The following TNFAIP8 variants were observed in gnomAD, a reference collection of about 807,000 sequenced individuals.
TNFAIP8 encodes TNF alpha induced protein 8.
Under a neutral mutation model 13.3 loss-of-function variants are expected in TNFAIP8, and 7 were observed. The ratio of observed to expected loss-of-function variants is 0.52; its 90% CI spans 0.30 to 0.99. The LOEUF is 0.99. TNFAIP8 is among the 50% of genes least tolerant of loss of function. TNFAIP8 has a pLI of 0.07. For missense variants in TNFAIP8, 258 were observed against 236.9 expected (o/e 1.09, Z -0.58); for synonymous variants, 94 against 87.6 (o/e 1.07, Z -0.41).
chr5:119,315,401 C>A (rs1431270355), intron 1 of TNFAIP8, among the ~76,000 whole-genome samples: 1 of 152,142 alleles, frequency 6.6e-6, no homozygotes, highest in African/African-American at 2.4e-5. Context: ...ACTGATAATT[C>A]TTATTCCTGA....
At chr5:119,322,988 C>T (rs769859474) in intron 1 of TNFAIP8, among the ~76,000 whole-genome samples, 3 of 152,182 alleles carry the variant, frequency 2.0e-5, no homozygotes, top group Non-Finnish European at 2.9e-5. Context: ...GTAACTATCT[C>T]GAAACTTGGA....
At chr5:119,268,881 C>T in exon 1 of TNFAIP8, 1 of 702,410 alleles carries the variant, frequency 1.4e-6, no homozygotes, top group Non-Finnish European at 2.6e-6. Flanking sequence ...GCTTCAGCGT[C>T]CCGGCGCCGT....
intron 1 of TNFAIP8, among the ~76,000 whole-genome samples, chr5:119,343,372 T>G (rs1750803589): frequency 6.6e-6 from 1 of 152,214 alleles, no homozygotes; most frequent in Admixed American, 6.5e-5. Context: ...CTTGATAGTT[T>G]TATAGATTGT....
intron 1 of TNFAIP8, among the ~76,000 whole-genome samples, chr5:119,317,759 G>A (rs953103587): frequency 2.0e-5 from 3 of 152,030 alleles, no homozygotes; most frequent in Non-Finnish European, 4.4e-5. Context: ...CCACCATGCT[G>A]GCTAATTTTT....
chr5:119,315,195 G>C (rs1749852668), intron 1 of TNFAIP8, among the ~76,000 whole-genome samples: 1 of 152,216 alleles, frequency 6.6e-6, no homozygotes, highest in Non-Finnish European at 1.5e-5. Context: ...CCATTCTCCT[G>C]CTTCAGCCTC....
intron 1 of TNFAIP8, among the ~76,000 whole-genome samples, chr5:119,269,395 T>G (rs1475516747): frequency 6.6e-6 from 1 of 152,184 alleles, no homozygotes; most frequent in African/African-American, 2.4e-5. Flanking sequence ...AGAGCCCTGC[T>G]TTGAGATCAT....
chr5:119,296,453 G>A (rs1160175811), intron 1 of TNFAIP8, among the ~76,000 whole-genome samples: 1 of 151,978 alleles, frequency 6.6e-6, no homozygotes, highest in Non-Finnish European at 1.5e-5. Flanking sequence ...TATTGAACCA[G>A]GCTTTCATCC....
rs55965350 is a variant in TNFAIP8 at position 119,311,688 on chromosome 5, CAAAAAA to C, written c.1+42797_1+42802del. Among the ~76,000 whole-genome samples, 791 of 66,680 alleles carry C rather than the reference CAAAAAA, an allele frequency of 0.012. 23 individuals carry two copies. In the East Asian group the frequency reaches 0.12, roughly 10 times the overall value. The allele number at this position is 66,680 out of a possible 152,430, so 43.7% of individuals were successfully genotyped here. On this transcript the variant is annotated intron_variant, in intron 1 of 1. Coordinates refer to the TNFAIP8 transcript ENST00000274456. ...TGGGTGACAGAGTGAGACTCCGTCT[CAAAAAA>C]AAAAAAAAAAAAAAATCAGTGAATG...
intron 1 of TNFAIP8, among the ~76,000 whole-genome samples, chr5:119,288,801 A>G (rs1295582722): frequency 1.3e-5 from 2 of 152,272 alleles, no homozygotes; most frequent in Non-Finnish European, 2.9e-5. Flanking sequence ...ACTAAATACC[A>G]GAATCTCTTT....
At chr5:119,384,283 G>A (rs1242494216) in intron 1 of TNFAIP8, among the ~76,000 whole-genome samples, 4 of 152,050 alleles carry the variant, frequency 2.6e-5, no homozygotes, top group Non-Finnish European at 4.4e-5. Context: ...TCAGGAGTTC[G>A]AGACCAGCCT....
intron 1 of TNFAIP8, among the ~76,000 whole-genome samples, chr5:119,271,555 C>A (rs190071567): frequency 4.6e-5 from 7 of 152,174 alleles, no homozygotes; most frequent in East Asian, 1.9e-4. Context: ...CTCCAGGAGA[C>A]GGGAGAAGCA....
At chr5:119,276,781 C>T (rs1214700052) in intron 1 of TNFAIP8, among the ~76,000 whole-genome samples, 1 of 152,166 alleles carries the variant, frequency 6.6e-6, no homozygotes, top group African/African-American at 2.4e-5. Context: ...TCTCCAAACA[C>T]AGCCATACTA....
At chr5:119,299,916 G>A (rs1289079521) in intron 1 of TNFAIP8, among the ~76,000 whole-genome samples, 1 of 152,236 alleles carries the variant, frequency 6.6e-6, no homozygotes, top group Non-Finnish European at 1.5e-5. Flanking sequence ...TCTGAGTCAG[G>A]TGCGGGTTAT....
intron 1 of TNFAIP8, among the ~76,000 whole-genome samples, chr5:119,335,094 G>A (rs188505405): frequency 7.7e-4 from 117 of 152,236 alleles, no homozygotes; most frequent in Non-Finnish European, 1.2e-3. Context: ...AGAGTGGCGC[G>A]TAGGAGCTTG....
chr5:119,339,067 C>A (rs1406990964), intron 1 of TNFAIP8, among the ~76,000 whole-genome samples: 1 of 152,006 alleles, frequency 6.6e-6, no homozygotes. Context: ...AAAAAAGGCC[C>A]CATTTTCTGC....
chr5:119,366,148 G>GAAAA (rs111331324), intron 1 of TNFAIP8, among the ~76,000 whole-genome samples: 1 of 136,632 alleles, frequency 7.3e-6, no homozygotes, highest in East Asian at 2.1e-4. Flanking sequence ...ACTCTAAAAT[G>GAAAA]AAAAAAAAAA....
In TNFAIP8 at chr5:119,305,751, C is replaced by T. The variant is rs118107380; in HGVS notation, c.1+36844C>T. Among the ~76,000 whole-genome samples, 57 of 152,276 alleles carry T rather than the reference C, an allele frequency of 3.7e-4. 1 individual carries two copies. The East Asian group carries it at 0.011, about 28-fold the overall frequency. ...TACAAATACCCAAATCATGATAGCT[C>T]AGGTATACTGTTGGAATGTTTATGG... On this transcript the variant is annotated intron_variant, in intron 1 of 1. Coordinates refer to the TNFAIP8 transcript ENST00000274456.
intron 1 of TNFAIP8, among the ~76,000 whole-genome samples, chr5:119,373,144 T>G (rs1371613447): frequency 6.6e-6 from 1 of 152,106 alleles, no homozygotes; most frequent in African/African-American, 2.4e-5. Flanking sequence ...GACACAAAGC[T>G]TAATAACCAT....
chr5:119,349,329 G>A (rs1045740539), intron 1 of TNFAIP8, among the ~76,000 whole-genome samples: 3 of 152,178 alleles, frequency 2.0e-5, no homozygotes, highest in African/African-American at 7.2e-5. Context: ...GATTTTCAGT[G>A]TTCCATCATG....
Sources: allele counts gnomAD v4.1 joint callset (sites outside exome capture counted in the v4.1 genomes callset), GRCh38; gene constraint gnomAD v4.1.1; transcripts MANE v1.5; gene names NCBI Gene and HGNC (gene_info 2026-07-23, HGNC 2026-07-21).